The following ANO1 variants were observed in gnomAD, a reference collection of about 807,000 sequenced individuals.
The protein encoded by ANO1 is anoctamin 1.
In ANO1, 59 loss-of-function variants were observed where a neutral mutation model predicts 124.0. The observed-to-expected ratio is 0.48, with a 90% CI of 0.39 to 0.59. The LOEUF (loss-of-function observed/expected upper bound fraction) is 0.59. Among genes scored for constraint, ANO1 ranks in the 20% least tolerant of loss-of-function variants. The pLI, the probability that ANO1 is intolerant of heterozygous loss-of-function variation, is 0.00. For synonymous variants in ANO1, 529 were observed against 532.0 expected, an observed-to-expected ratio of 0.99 and a Z score of 0.08; for missense variants, 1,059 against 1,328.0, an observed-to-expected ratio of 0.80 and a Z score of 3.15.
intron 1 of ANO1, among the ~76,000 whole-genome samples, chr11:70,035,533 T>TATATATATAC (rs1857079667): frequency 6.6e-6 from 1 of 151,608 alleles, no homozygotes; most frequent in South Asian, 2.1e-4. Context: ...TATATATATA[T>TATATATATAC]ATATACTTTA....
At chr11:70,078,052 C>T (rs1251659450), upstream of ANO1, among the ~76,000 whole-genome samples, 2 of 152,080 alleles carry the variant, frequency 1.3e-5, no homozygotes, top group East Asian at 1.9e-4. Flanking sequence ...GGAGGTGACG[C>T]GCCACAGAAG....
intron 11 of ANO1, 141 bp downstream of exon 11, chr11:70,132,220 C>A: frequency 1.7e-6 from 2 of 1,158,736 alleles, no homozygotes; most frequent in Non-Finnish European, 2.4e-6. Context: ...CTGGTGGAAA[C>A]GACCCCTGTT....
chr11:70,049,835 C>T (rs1857324538), intron 1 of ANO1, among the ~76,000 whole-genome samples: 1 of 152,168 alleles, frequency 6.6e-6, no homozygotes, highest in South Asian at 2.1e-4. Flanking sequence ...ACTCTCCTGC[C>T]TCAGCCTCCT....
intron 15 of ANO1, 67 bp from the exon 16 acceptor site, chr11:70,156,880 C>A: frequency 3.4e-6 from 5 of 1,480,036 alleles, no homozygotes; most frequent in Non-Finnish European, 4.7e-6. Flanking sequence ...CATGCACCCA[C>A]GCTGACACAC....
rs879287638 is a variant in ANO1 at position 70,186,312 on chromosome 11, GGAGA to G, written c.2694+618_2694+621del. 5.0e-3 allele frequency among the ~76,000 whole-genome samples: 721 copies of G among 144,906 alleles called. 11 individuals carry two copies. The highest frequency in any genetic ancestry group is 6.4e-3 in the Non-Finnish European group (422 of 65,620). On this transcript the variant is annotated intron_variant, in intron 25 of 25. Coordinates refer to ENST00000355303, the MANE Select transcript of ANO1 (RefSeq NM_018043.7). ...CAAAAAAGAGAGAGAGAGAAAAGAA[GGAGA>G]AGGAGAGGAGGAGGAGGAGGACGAG...
chr11:70,032,542 G>A (rs534274008), intron 1 of ANO1, among the ~76,000 whole-genome samples: 2 of 151,386 alleles, frequency 1.3e-5, no homozygotes, highest in Non-Finnish European at 3.0e-5. Flanking sequence ...GAGAGGGGGG[G>A]GGTCTCTGAA....
chr11:70,025,316 G>C (rs188570543), intron 1 of ANO1, among the ~76,000 whole-genome samples: 2 of 152,340 alleles, frequency 1.3e-5, no homozygotes, highest in East Asian at 3.9e-4. Flanking sequence ...CTGTTATGAA[G>C]GAAGAACTGG....
At chr11:70,142,786 C>A (rs2047206251) in intron 11 of ANO1, among the ~76,000 whole-genome samples, 1 of 152,186 alleles carries the variant, frequency 6.6e-6, no homozygotes, top group African/African-American at 2.4e-5. Context: ...TTGGCCCACG[C>A]CTTGGCTTTC....
At chr11:70,118,685 T>C (rs557628441) in intron 8 of ANO1, among the ~76,000 whole-genome samples, 3 of 145,068 alleles carry the variant, frequency 2.1e-5, no homozygotes, top group African/African-American at 7.8e-5. Context: ...GGTGGATGGA[T>C]GGTGGAGAGA....
At chr11:70,132,864 G>A (rs558421675) in intron 11 of ANO1, among the ~76,000 whole-genome samples, 4 of 152,340 alleles carry the variant, frequency 2.6e-5, no homozygotes, top group South Asian at 2.1e-4. Context: ...GCCCCACGCC[G>A]GGCACTTAAG....
intron 19 of ANO1, among the ~76,000 whole-genome samples, chr11:70,164,833 G>C (rs1410064932): frequency 3.3e-5 from 5 of 152,168 alleles, no homozygotes. Flanking sequence ...GCATGGGACC[G>C]GCCAGTGGCC....
intron 1 of ANO1, among the ~76,000 whole-genome samples, chr11:70,058,019 G>A (rs12573877): frequency 0.034 from 5,190 of 152,286 alleles, 132 homozygotes; most frequent in East Asian, 0.11. Flanking sequence ...GGTAATTAGA[G>A]TGGGAGAGAT....
chr11:70,080,685 G>A (rs1167267601), intron 1 of ANO1, among the ~76,000 whole-genome samples: 1 of 152,198 alleles, frequency 6.6e-6, no homozygotes, highest in Non-Finnish European at 1.5e-5. Flanking sequence ...CTGCAAAGAG[G>A]CAGCTGGGCC....
At chr11:70,112,626 C>T (rs1227967773) in intron 7 of ANO1, among the ~76,000 whole-genome samples, 2 of 149,614 alleles carry the variant, frequency 1.3e-5, no homozygotes, top group Non-Finnish European at 3.0e-5. Context: ...GGCATGATCT[C>T]GGCTCACGGC....
upstream of ANO1, among the ~76,000 whole-genome samples, chr11:69,985,182 C>T (rs1856012751): frequency 6.6e-6 from 1 of 152,228 alleles, no homozygotes; most frequent in Admixed American, 6.5e-5. Flanking sequence ...CATCAGAGTC[C>T]CTGCCTCGTC....
At chr11:70,057,419 C>T (rs939418848) in intron 1 of ANO1, among the ~76,000 whole-genome samples, 15 of 145,804 alleles carry the variant, frequency 1.0e-4, no homozygotes, top group Non-Finnish European at 2.1e-4. Context: ...CCTTAGAGTA[C>T]CCTGAACTCC....
At chr11:69,985,124 C>T (rs1856011435), upstream of ANO1, among the ~76,000 whole-genome samples, 1 of 152,220 alleles carries the variant, frequency 6.6e-6, no homozygotes, top group African/African-American at 2.4e-5. Flanking sequence ...CGGCTTCCTG[C>T]CCTGAGCCCA....
chr11:70,087,212 G>A (rs1039480831), intron 1 of ANO1, among the ~76,000 whole-genome samples: 4 of 152,162 alleles, frequency 2.6e-5, no homozygotes, highest in Non-Finnish European at 5.9e-5. Context: ...AATGCAATAC[G>A]TAATAATCAC....
upstream of ANO1, among the ~76,000 whole-genome samples, chr11:70,076,927 C>T (rs938909873): frequency 1.7e-4 from 20 of 116,970 alleles, no homozygotes; most frequent in African/African-American, 5.2e-4. Context: ...GCTTCAGGCA[C>T]GCTTAAAACT....
Sources: allele counts gnomAD v4.1 joint callset (sites outside exome capture counted in the v4.1 genomes callset), GRCh38; gene constraint gnomAD v4.1.1; transcripts MANE v1.5; gene names NCBI Gene and HGNC (gene_info 2026-07-23, HGNC 2026-07-21).